Variants in ANXA10 observed in about 807,000 individuals in gnomAD.
ANXA10 encodes annexin A10, also known as annexin 14.
In ANXA10, 49 loss-of-function variants were observed where a neutral mutation model predicts 53.5. That is an observed-to-expected ratio of 0.92 (90% CI 0.73 to 1.16). ANXA10 has a LOEUF of 1.16. Among genes scored for constraint, ANXA10 ranks in the 50% most tolerant of loss-of-function variants. The pLI is 0.00. For missense variants in ANXA10, 393 were observed against 394.4 expected, an observed-to-expected ratio of 1.00 and a Z score of 0.03; for synonymous variants, 131 against 128.9, an observed-to-expected ratio of 1.02 and a Z score of -0.11.
At chr4:168,153,422 C>CAAAAAAAAAAAAAAAAAAAAAAAAAA (rs61179704) in intron 3 of ANXA10, among the ~76,000 whole-genome samples, 3 of 43,518 alleles carry the variant, frequency 6.9e-5, no homozygotes, top group Non-Finnish European at 1.0e-4. Context: ...AAGCCTAAAG[C>CAAAAAAAAAAAAAAAAAAAAAAAAAA]AAAAAAAAAA....
At chr4:168,138,906 G>A (rs916306949) in intron 2 of ANXA10, among the ~76,000 whole-genome samples, 1 of 152,010 alleles carries the variant, frequency 6.6e-6, no homozygotes, top group Non-Finnish European at 1.5e-5. Context: ...ATTGTTTTTG[G>A]TGTATAGAAA....
intron 3 of ANXA10, among the ~76,000 whole-genome samples, chr4:168,142,642 A>G (rs1731345192): frequency 6.6e-6 from 1 of 152,214 alleles, no homozygotes; most frequent in Admixed American, 6.5e-5. Flanking sequence ...GAAAGCTGGG[A>G]TGATTCTTGT....
rs1731631027 is a variant in ANXA10 at position 168,155,833 on chromosome 4, TATCATATATA to T, written c.196-6692_196-6683del. Reference sequence around the variant, plus strand: ...GATATATTATATATGATATATGATATATCATATATAATATAATATATCATATATGATATAT... The same window carrying T: ...GATATATTATATATGATATATGATATATATAATATATCATATATGATATAT... On this transcript the variant is annotated intron_variant, in intron 3 of 11. Coordinates refer to ENST00000359299, the MANE Select transcript of ANXA10 (RefSeq NM_007193.5). Among the ~76,000 whole-genome samples the T allele has an allele frequency of 7.4e-4, 6 of 8,120 alleles. 1 individual carries two copies. Among genetic ancestry groups the T allele is most frequent in the African/African-American group, 3.1e-3 (6 of 1,928 alleles). The allele number at this position is 8,120 out of a possible 152,430, so 5.3% of individuals were successfully genotyped here. A position where few individuals can be genotyped will look rare whatever the true frequency, so the allele number is the denominator to read the frequency against.
intron 1 of ANXA10, among the ~76,000 whole-genome samples, chr4:168,116,861 G>C (rs867087048): frequency 1.3e-5 from 2 of 152,072 alleles, no homozygotes; most frequent in African/African-American, 4.8e-5. Context: ...TGTTCTTTGT[G>C]ACCTAACAGT....
chr4:168,174,799 CTG>C (rs1732089781), intron 6 of ANXA10, among the ~76,000 whole-genome samples: 1 of 151,534 alleles, frequency 6.6e-6, no homozygotes, highest in South Asian at 2.1e-4. Flanking sequence ...GTGTGGAAGA[CTG>C]AGACTATAGA....
intron 2 of ANXA10, among the ~76,000 whole-genome samples, chr4:168,137,875 A>G (rs1731263085): frequency 6.6e-6 from 1 of 152,108 alleles, no homozygotes; most frequent in Non-Finnish European, 1.5e-5. Context: ...TGTTTCCCAC[A>G]AAGATCATAC....
chr4:168,127,004 ATTAAC>A (rs2149469527), intron 1 of ANXA10, among the ~76,000 whole-genome samples: 1 of 152,274 alleles, frequency 6.6e-6, no homozygotes, highest in South Asian at 2.1e-4. Flanking sequence ...TCATTAATTA[ATTAAC>A]TTAATTAATA....
intron 3 of ANXA10, among the ~76,000 whole-genome samples, chr4:168,151,073 C>T (rs1415858014): frequency 1.3e-5 from 2 of 152,172 alleles, no homozygotes; most frequent in Non-Finnish European, 2.9e-5. Flanking sequence ...GGAAGGGGTT[C>T]ATCCAGTCAG....
At chr4:168,184,435 T>C in intron 10 of ANXA10, 124 bp from the exon 11 acceptor site, 1 of 1,131,322 alleles carries the variant, frequency 8.8e-7, no homozygotes. Flanking sequence ...TGGCCAGTGA[T>C]GCCAGTGTTG....
chr4:168,133,340 T>C (rs1375451244), intron 2 of ANXA10, among the ~76,000 whole-genome samples: 1 of 152,138 alleles, frequency 6.6e-6, no homozygotes, highest in Non-Finnish European at 1.5e-5. Context: ...TGTATTGATC[T>C]CTGCACGATG....
chr4:168,177,930 A>C lies in ANXA10; in HGVS notation c.575A>C (p.Lys192Thr), dbSNP rs368189889. 7.4e-6 allele frequency: 12 copies of C among 1,613,728 alleles called. No individual in the cohort carries two copies. Among genetic ancestry groups the C allele is most frequent in the Middle Eastern group, 1.7e-4 (1 of 5,932 alleles). Residue 192 changes from lysine (K) to threonine (T), a missense_variant, in exon 8 of 12, where the codon AAA (lysine) becomes ACA (threonine). Coordinates refer to ENST00000359299, the MANE Select transcript of ANXA10 (RefSeq NM_007193.5). ...EACQQKTGEHKTMLQMILCNK... is the reference protein window; with the variant it reads ...EACQQKTGEHTTMLQMILCNK... ...TGTCAGCAGAAGACGGGGGAGCACA[A>C]AACCATGCTGCAAATGATCCTGTGC...
At chr4:168,171,191 T>C (rs72691189) in intron 6 of ANXA10, among the ~76,000 whole-genome samples, 5,028 of 152,268 alleles carry the variant, frequency 0.033, 111 homozygotes, top group Non-Finnish European at 0.049. Flanking sequence ...CAAAAAGAAA[T>C]GGAGTTTTCT....
intron 1 of ANXA10, among the ~76,000 whole-genome samples, chr4:168,118,445 AG>A (rs1455188447): frequency 1.3e-5 from 2 of 152,188 alleles, no homozygotes; most frequent in African/African-American, 4.8e-5. Flanking sequence ...CTGTGCTCTC[AG>A]CTCCTGAAAA....
At chr4:168,159,965 T>C (rs893149512) in intron 3 of ANXA10, among the ~76,000 whole-genome samples, 1 of 152,208 alleles carries the variant, frequency 6.6e-6, no homozygotes, top group African/African-American at 2.4e-5. Flanking sequence ...GAATATGCTT[T>C]ACACAGTTTA....
chr4:168,110,896 A>G (rs958464879), intron 1 of ANXA10, among the ~76,000 whole-genome samples: 1 of 152,208 alleles, frequency 6.6e-6, no homozygotes, highest in African/African-American at 2.4e-5. Flanking sequence ...GTGTACAAAA[A>G]GGAGGAAAGT....
chr4:168,134,384 A>G (rs1279094879), intron 2 of ANXA10, among the ~76,000 whole-genome samples: 1 of 152,168 alleles, frequency 6.6e-6, no homozygotes, highest in Admixed American at 6.5e-5. Context: ...TTCATATAAA[A>G]TATCTCTGGA....
chr4:168,146,003 A>G (rs1002533884), intron 3 of ANXA10, among the ~76,000 whole-genome samples: 2 of 151,900 alleles, frequency 1.3e-5, no homozygotes, highest in African/African-American at 4.8e-5. Context: ...GCTTACTGCA[A>G]ACTCTACCTC....
At chr4:168,162,479 T>C in intron 3 of ANXA10, 49 bp from the exon 4 acceptor site, 1 of 1,338,088 alleles carries the variant, frequency 7.5e-7, no homozygotes, top group Non-Finnish European at 1.1e-6. Context: ...CTCATTTCTC[T>C]TGCAAATTTG....
At chr4:168,106,347 T>TA (rs1356709799) in intron 1 of ANXA10, among the ~76,000 whole-genome samples, 1 of 152,096 alleles carries the variant, frequency 6.6e-6, no homozygotes. Flanking sequence ...TGTGGACCTG[T>TA]AAAAATCTTA....
Sources: allele counts gnomAD v4.1 joint callset (sites outside exome capture counted in the v4.1 genomes callset), GRCh38; gene constraint gnomAD v4.1.1; transcripts MANE v1.5; gene names NCBI Gene and HGNC (gene_info 2026-07-23, HGNC 2026-07-21).